The following AHRR variants were observed in gnomAD, a reference collection of about 807,000 sequenced individuals.
AHRR encodes aryl hydrocarbon receptor repressor, also known as ahR repressor.
AHRR carries 28 observed loss-of-function variants against 44.0 expected under a neutral mutation model. The observed-to-expected ratio is 0.64, with a 90% CI of 0.47 to 0.87. The LOEUF is 0.87. Ranked by LOEUF, AHRR falls within the 40% of genes least tolerant of loss-of-function variation. The pLI, the probability that AHRR is intolerant of heterozygous loss-of-function variation, is 0.00. For synonymous variants in AHRR, 434 were observed against 407.0 expected (o/e 1.07, Z -0.80); for missense variants, 990 against 953.9 (o/e 1.04, Z -0.50).
intron 3 of AHRR, among the ~76,000 whole-genome samples, chr5:373,079 G>A (rs1031562249): frequency 2.0e-5 from 3 of 152,238 alleles, no homozygotes; most frequent in Admixed American, 6.5e-5. Flanking sequence ...CTCTGCAGCC[G>A]TGGGCGGACG....
At chr5:384,823 C>T (rs1174476084) in intron 4 of AHRR, among the ~76,000 whole-genome samples, 1 of 152,180 alleles carries the variant, frequency 6.6e-6, no homozygotes, top group East Asian at 1.9e-4. Flanking sequence ...TGAGGTTTTG[C>T]ATTTCCCTGT....
chr5:397,142 ATGT>A (rs1734751927), intron 4 of AHRR, among the ~76,000 whole-genome samples: 1 of 100,572 alleles, frequency 9.9e-6, no homozygotes. Flanking sequence ...CTGACCATCC[ATGT>A]TAGCCCCTGA....
At chr5:414,414 C>T (rs1411148754) in intron 5 of AHRR, among the ~76,000 whole-genome samples, 1 of 152,092 alleles carries the variant, frequency 6.6e-6, no homozygotes, top group Non-Finnish European at 1.5e-5. Flanking sequence ...CGGCGAGGAC[C>T]CCCAGGATCT....
chr5:399,649 C>T (rs151306699), intron 4 of AHRR, among the ~76,000 whole-genome samples: 3,057 of 152,256 alleles, frequency 0.02, 54 homozygotes, highest in Non-Finnish European at 0.028. Flanking sequence ...GCCAAGGGTT[C>T]GCAGCAAAGG....
intron 5 of AHRR, among the ~76,000 whole-genome samples, chr5:415,644 G>C (rs13161472): frequency 0.13 from 6,362 of 50,464 alleles, 38 homozygotes; most frequent in Middle Eastern, 0.22. Flanking sequence ...TCTGCCTGGT[G>C]GGGCGGGAGG....
At chr5:400,791 G>A (rs1297353418) in intron 4 of AHRR, among the ~76,000 whole-genome samples, 2 of 152,232 alleles carry the variant, frequency 1.3e-5, no homozygotes, top group Non-Finnish European at 2.9e-5. Flanking sequence ...TTTTGGTTGT[G>A]ACTAATCTCA....
intron 4 of AHRR, among the ~76,000 whole-genome samples, chr5:413,030 G>A (rs1200453225): frequency 2.6e-5 from 4 of 152,062 alleles, no homozygotes; most frequent in South Asian, 4.2e-4. Context: ...GGGCAGAAAC[G>A]TCTGCAGAGG....
intron 2 of AHRR, among the ~76,000 whole-genome samples, chr5:353,471 T>G (rs1742930140): frequency 6.6e-6 from 1 of 152,132 alleles, no homozygotes; most frequent in Non-Finnish European, 1.5e-5. Flanking sequence ...GTCTCCGTGC[T>G]CTGAGCTGCG....
intron 7 of AHRR, among the ~76,000 whole-genome samples, chr5:425,088 G>GC (rs1296686170): frequency 6.6e-6 from 1 of 152,218 alleles, no homozygotes; most frequent in East Asian, 1.9e-4. Flanking sequence ...AGCTGGGCAG[G>GC]CCCCCTGGGC....
intron 4 of AHRR, among the ~76,000 whole-genome samples, chr5:394,962 G>A (rs999238760): frequency 6.6e-6 from 1 of 152,230 alleles, no homozygotes; most frequent in African/African-American, 2.4e-5. Flanking sequence ...TTGCGTCTCC[G>A]GATCTTGCCC....
chr5:386,391 G>A (rs572386915), intron 4 of AHRR, among the ~76,000 whole-genome samples: 3 of 152,336 alleles, frequency 2.0e-5, no homozygotes, highest in African/African-American at 7.2e-5. Context: ...TGATTAAGCA[G>A]GTCTTGAGGT....
rs6864453 is a variant in AHRR, at chr5:411,045, A to G, written c.352-2299A>G. 0.11 allele frequency among the ~76,000 whole-genome samples: 16,759 copies of G among 151,554 alleles called. 2,884 individuals carry two copies. The highest frequency in any genetic ancestry group is 0.37 in the African/African-American group (15,346 of 41,226). On this transcript the variant is annotated intron_variant, in intron 4 of 10. Coordinates refer to ENST00000684583, the MANE Select transcript of AHRR (RefSeq NM_001377236.1). The surrounding 1 kb of genome is among the most constrained non-coding windows in gnomAD (Gnocchi z 4.2). The stretch of plus-strand genomic sequence containing the variant: ...TTTTCTTGATGAGTCTTGCTAGCAG[A>G]TTATCCGTTTTATTAATCTTTTCAA...
At chr5:341,010 T>TTTTTC (rs762732625) in intron 1 of AHRR, among the ~76,000 whole-genome samples, 1 of 150,188 alleles carries the variant, frequency 6.7e-6, no homozygotes, top group African/African-American at 2.5e-5. Flanking sequence ...ATAATTTTTC[T>TTTTTC]TTTTCTTTTC....
At chr5:400,046 C>T (rs1734947732) in intron 4 of AHRR, among the ~76,000 whole-genome samples, 1 of 152,016 alleles carries the variant, frequency 6.6e-6, no homozygotes, top group South Asian at 2.1e-4. Flanking sequence ...CGACGCCCGC[C>T]CGGTGCCCGC....
intron 1 of AHRR, among the ~76,000 whole-genome samples, chr5:339,410 T>C (rs1742255263): frequency 6.6e-6 from 1 of 152,256 alleles, no homozygotes. Context: ...TGTGAGCCAC[T>C]TCACTCAGCC....
At chr5:430,634 G>A (rs544350859) in intron 8 of AHRR, among the ~76,000 whole-genome samples, 398 of 152,384 alleles carry the variant, frequency 2.6e-3, no homozygotes, top group Non-Finnish European at 3.7e-3. Flanking sequence ...TAACCGTTTA[G>A]ACAGCTCTAC....
At chr5:403,123 A>C (rs1158163786) in intron 4 of AHRR, among the ~76,000 whole-genome samples, 1 of 152,218 alleles carries the variant, frequency 6.6e-6, no homozygotes, top group African/African-American at 2.4e-5. Context: ...AAACAAAGTC[A>C]AAGCCTGCTT....
Position 389,392 on chromosome 5 carries a change from G to A in AHRR, c.351+12676G>A, listed in dbSNP as rs186891990. ...GTGGCCACCGGTGCCCGAGCGACTC[G>A]GATCACATTCTCAAAGTGAATCAAC... On this transcript the variant is annotated intron_variant, in intron 4 of 10. Transcript: ENST00000684583. 1.1e-4 allele frequency among the ~76,000 whole-genome samples: 16 copies of A among 152,298 alleles called. No individual in the cohort carries two copies. The East Asian group carries it at 1.5e-3, about 15-fold the overall frequency.
At chr5:408,079 CT>C (rs1441454940) in intron 4 of AHRR, among the ~76,000 whole-genome samples, 4 of 152,262 alleles carry the variant, frequency 2.6e-5, no homozygotes, top group African/African-American at 4.8e-5. Flanking sequence ...GTCTCCACCC[CT>C]GGCACTCTGC....
Sources: allele counts gnomAD v4.1 joint callset (sites outside exome capture counted in the v4.1 genomes callset), GRCh38; gene constraint gnomAD v4.1.1; non-coding constraint Gnocchi (gnomAD v3.1); transcripts MANE v1.5; gene names NCBI Gene and HGNC (gene_info 2026-07-23, HGNC 2026-07-21).